Variants in ZNF627 observed in about 807,000 individuals in gnomAD.
ZNF627 encodes zinc finger protein 627.
Under a neutral mutation model 10.6 loss-of-function variants are expected in ZNF627, and 12 were observed. The observed-to-expected ratio is 1.13, with a 90% confidence interval of 0.73 to 1.84. The LOEUF is 1.84. ZNF627 is among the 40% of genes most tolerant of loss of function. ZNF627 has a pLI of 0.00. For synonymous variants in ZNF627, 176 were observed against 187.1 expected (o/e 0.94, Z 0.48); for missense variants, 504 against 568.4 (o/e 0.89, Z 1.15).
chr19:11,612,433 T>C lies in ZNF627; in HGVS notation c.4-2094T>C, dbSNP rs1973788127. On this transcript the variant is annotated intron_variant, in intron 1 of 3. Transcript: ENST00000361113. The stretch of plus-strand genomic sequence containing the variant: ...CCGTGCCCGGCCTGCTTTTTTTTTT[T>C]TTTTTTTTGAGACAGAGTCTCACTG... Among the ~76,000 whole-genome samples, 3 of 98,598 alleles carry C rather than the reference T, an allele frequency of 3.0e-5. No homozygotes were observed. The South Asian group carries it at 1.1e-3, about 35-fold the overall frequency. The allele number at this position is 98,598 out of a possible 152,430, so 64.7% of individuals were successfully genotyped here. A position where few individuals can be genotyped will look rare whatever the true frequency, so the allele number is the denominator to read the frequency against.
Position 11,597,596 on chromosome 19 carries a change from G to A in ZNF627, c.-32G>A, listed in dbSNP as rs1973509929. On this transcript the variant is annotated 5_prime_UTR_variant, in exon 1 of 4. Transcript: ENST00000361113. Reference sequence around the variant, plus strand: ...ACCTGTACAGGTCGCGGGAGTCGTAGGGAGGACGCCGGGACACCTGGAAGC... The same window carrying A: ...ACCTGTACAGGTCGCGGGAGTCGTAAGGAGGACGCCGGGACACCTGGAAGC... 8 of 1,327,126 alleles carry A rather than the reference G, an allele frequency of 6.0e-6. No homozygotes were observed. The highest frequency in any genetic ancestry group is 7.8e-6 in the Non-Finnish European group (8 of 1,030,456). 82.2% of individuals were successfully genotyped at this position (1,327,126 alleles called of 1,614,324 possible).
At chr19:11,613,075 TCCCTC>T (rs2145136369) in intron 1 of ZNF627, among the ~76,000 whole-genome samples, 5 of 29,512 alleles carry the variant, frequency 1.7e-4, no homozygotes, top group Non-Finnish European at 2.6e-4. Context: ...TCCCCTCCCC[TCCCTC>T]CCTTCCCCCC....
chr19:11,614,927 G>A lies in ZNF627; in HGVS notation c.191+40G>A, dbSNP rs772966967. ...CAAAAGAAAGTTCTGTTCCTTGAGA[G>A]CATTTCGTATTGTTAGGAATTTTTT... is the stretch of plus-strand genomic sequence containing the variant. On this transcript the variant is annotated intron_variant, in intron 3 of 3. Transcript: ENST00000361113. 4.2e-6 allele frequency: 6 copies of A among 1,428,076 alleles called. No homozygotes were observed. In the South Asian group the frequency reaches 7.7e-5, roughly 18 times the overall value. The allele number at this position is 1,428,076 out of a possible 1,614,324, so 88.5% of individuals were successfully genotyped here.
chr19:11,605,772 C>T (rs1024446809), intron 1 of ZNF627, among the ~76,000 whole-genome samples: 1 of 152,172 alleles, frequency 6.6e-6, no homozygotes, highest in African/African-American at 2.4e-5. Flanking sequence ...CTCATATCCT[C>T]ACATTTTAAA....
intron 1 of ZNF627, chr19:11,604,399 C>T (rs965063574): frequency 3.3e-5 from 5 of 152,298 alleles, no homozygotes; most frequent in African/African-American, 1.2e-4. Context: ...GGCAGTCTAC[C>T]TCCTGGACCT....
intron 1 of ZNF627, among the ~76,000 whole-genome samples, chr19:11,605,509 G>A (rs573079527): frequency 1.3e-5 from 2 of 152,220 alleles, no homozygotes; most frequent in East Asian, 3.9e-4. Flanking sequence ...AAGCAAACAT[G>A]TCCTTCTTCA....
At chr19:11,600,157 A>G (rs1012225314) in intron 1 of ZNF627, among the ~76,000 whole-genome samples, 2 of 151,950 alleles carry the variant, frequency 1.3e-5, no homozygotes, top group African/African-American at 2.4e-5. Context: ...ATTATTACTT[A>G]TGGCTGGGCG....
intron 1 of ZNF627, among the ~76,000 whole-genome samples, chr19:11,603,227 A>T (rs1312064968): frequency 6.6e-6 from 1 of 150,926 alleles, no homozygotes; most frequent in Non-Finnish European, 1.5e-5. Context: ...GAATACAAAC[A>T]TTCAGTCTGT....
intron 1 of ZNF627, among the ~76,000 whole-genome samples, chr19:11,601,920 C>A (rs7249892): frequency 6.7e-6 from 1 of 148,646 alleles, no homozygotes; most frequent in Non-Finnish European, 1.5e-5. Flanking sequence ...GCAGGAGAAT[C>A]GCTTGAACTC....
At chr19:11,601,745 C>A (rs887616983) in intron 1 of ZNF627, among the ~76,000 whole-genome samples, 2 of 151,500 alleles carry the variant, frequency 1.3e-5, no homozygotes, top group East Asian at 3.9e-4. Flanking sequence ...TGGTGGCTCA[C>A]GTCTGTAATC....
Position 11,617,395 on chromosome 19 carries a change from G to C in ZNF627, c.892G>C (p.Glu298Gln). The C allele has an allele frequency of 6.2e-7, 1 of 1,614,008 alleles. No individual in the cohort carries two copies. Among genetic ancestry groups the C allele is most frequent in the Non-Finnish European group, 8.5e-7 (1 of 1,180,018 alleles). ...GTGCGCCAGTTCTGTTCGAAGTCAC[G>C]AGAGGACTCACACCGGAGAGAAACT... Reference protein sequence around the residue: ...FRCASSVRSHERTHTGEKLFE... With the variant: ...FRCASSVRSHQRTHTGEKLFE... Residue 298 changes from glutamate to glutamine, a missense_variant, in exon 4 of 4, where the codon GAG becomes CAG. By Grantham distance (29) the Glu-to-Gln change is conservative. Transcript: ENST00000361113.
At chr19:11,615,444 C>CA (rs1305117260) in intron 3 of ZNF627, among the ~76,000 whole-genome samples, 3 of 146,160 alleles carry the variant, frequency 2.1e-5, no homozygotes, top group African/African-American at 5.0e-5. Context: ...ACTAAAAATA[C>CA]AAAAAAAAAG....
rs1219409973 is a variant in ZNF627 at position 11,617,124 on chromosome 19, C to T, written c.621C>T (p.Pro207=). The T allele has an allele frequency of 1.9e-6, 3 of 1,613,816 alleles. No homozygotes were observed. Among genetic ancestry groups the T allele is most frequent in the Admixed American group, 3.3e-5 (2 of 59,964 alleles). ...CKVCGKAFDY[P]SLFRIHERSH... ...TGTGTGGGAAAGCCTTTGATTATCC[C>T]AGTTTATTTCGTATACATGAAAGAA... Residue 207 remains proline (P), a synonymous_variant, in exon 4 of 4, where the codon CCC becomes CCT. Coordinates refer to ENST00000361113, the MANE Select transcript of ZNF627 (RefSeq NM_145295.4).
intron 1 of ZNF627, among the ~76,000 whole-genome samples, chr19:11,602,734 A>G (rs1183573003): frequency 6.6e-6 from 1 of 152,196 alleles, no homozygotes; most frequent in Non-Finnish European, 1.5e-5. Flanking sequence ...TGTTCAGCAA[A>G]CACCACACAT....
chr19:11,614,450 A>G (rs927142419), intron 1 of ZNF627, 77 bp from the exon 2 acceptor site: 3 of 1,592,006 alleles, frequency 1.9e-6, no homozygotes, highest in African/African-American at 2.7e-5. Context: ...CATCCTGAGA[A>G]CTTCTTGGGA....
chr19:11,603,246 C>A (rs1028568738), intron 1 of ZNF627, among the ~76,000 whole-genome samples: 4 of 149,536 alleles, frequency 2.7e-5, no homozygotes, highest in African/African-American at 9.8e-5. Context: ...GTTAACAATC[C>A]TAACTGTATT....
intron 1 of ZNF627, among the ~76,000 whole-genome samples, chr19:11,600,841 G>T (rs1245877864): frequency 2.6e-5 from 4 of 152,278 alleles, no homozygotes; most frequent in African/African-American, 9.6e-5. Flanking sequence ...TGTTACCATA[G>T]AAAGAATAAA....
chr19:11,616,943 C>G lies in ZNF627; in HGVS notation c.440C>G (p.Ala147Gly). The G allele has an allele frequency of 6.2e-7, 1 of 1,614,102 alleles. No homozygotes were observed. Among genetic ancestry groups the G allele is most frequent in the Non-Finnish European group, 8.5e-7 (1 of 1,180,030 alleles). ...TATACACGTAACCAGTGTGGACGAG[C>G]CTTGAGTTATCATCGCTCTTTTCCA... ...KSYTRNQCGR[A>G]LSYHRSFPVR... The change falls in exon 4 of 4, where the codon GCC becomes GGC. Residue 147 changes from alanine (A) to glycine (G), a missense_variant. Physicochemically the swap from Ala to Gly is moderately conservative, Grantham distance 60. Transcript: ENST00000361113.
chr19:11,616,288 C>T (rs922905913), intron 3 of ZNF627, among the ~76,000 whole-genome samples: 5 of 152,124 alleles, frequency 3.3e-5, no homozygotes, highest in Non-Finnish European at 7.4e-5. Context: ...TCAGGTGATC[C>T]TCCTGTCTTG....
Sources: allele counts gnomAD v4.1 joint callset (sites outside exome capture counted in the v4.1 genomes callset), GRCh38; gene constraint gnomAD v4.1.1; transcripts MANE v1.5; gene names NCBI Gene and HGNC (gene_info 2026-07-23, HGNC 2026-07-21).